The following CEP112 variants were observed in gnomAD, a reference collection of about 807,000 sequenced individuals.
CEP112 encodes the protein centrosomal protein 112.
A neutral mutation model predicts 153.0 loss-of-function variants in CEP112; 127 were observed. That is an observed-to-expected ratio of 0.83 (90% confidence interval 0.72 to 0.96). The LOEUF is 0.96. Ranked by LOEUF, CEP112 falls within the 40% of genes least tolerant of loss-of-function variation. The probability of loss-of-function intolerance (pLI) is 0.00; values close to 1 mark genes in which losing one functional copy is unlikely to be tolerated. For synonymous variants in CEP112, 358 were observed against 374.4 expected, an observed-to-expected ratio of 0.96 and a Z score of 0.51; for missense variants, 1,089 against 1,101.2, an observed-to-expected ratio of 0.99 and a Z score of 0.16.
intron 4 of CEP112, among the ~76,000 whole-genome samples, chr17:66,153,068 CAT>C (rs2071275085): frequency 6.6e-6 from 1 of 152,098 alleles, no homozygotes; most frequent in African/African-American, 2.4e-5. Flanking sequence ...CGAGAATACT[CAT>C]GTGAAGAGAC....
At chr17:66,015,099 C>T (rs1315817905) in intron 16 of CEP112, among the ~76,000 whole-genome samples, 1 of 152,130 alleles carries the variant, frequency 6.6e-6, no homozygotes, top group African/African-American at 2.4e-5. Context: ...TTATTTTTAA[C>T]CTACATCCCT....
rs1485031521 is a variant in CEP112 at position 66,191,846 on chromosome 17, C to G, written c.-9+151G>C. 2.0e-5 allele frequency: 3 copies of G among 152,320 alleles called. No homozygotes were observed. The highest frequency in any genetic ancestry group is 3.9e-4 in the East Asian group (2 of 5,140). 9.4% of individuals were successfully genotyped at this position (152,320 alleles called of 1,614,324 possible). A position where few individuals can be genotyped will look rare whatever the true frequency, so the allele number is the denominator to read the frequency against. On this transcript the variant is annotated intron_variant, in intron 1 of 26. Coordinates refer to ENST00000535342, the MANE Select transcript of CEP112 (RefSeq NM_001199165.4). The surrounding 1 kb of genome is among the most constrained non-coding windows in gnomAD (Gnocchi z 4.2). ...GCGCCGGGACCCCAGGGGCGCGCGC[C>G]CCCCAGGCCCGGAGAACGGGCCCAG...
chr17:65,939,344 C>T (rs2061441349), intron 18 of CEP112, among the ~76,000 whole-genome samples: 1 of 152,080 alleles, frequency 6.6e-6, no homozygotes, highest in Non-Finnish European at 1.5e-5. Flanking sequence ...CAATTCCTAT[C>T]AAAATGCCAA....
chr17:65,902,745 A>G (rs867947292), intron 19 of CEP112, among the ~76,000 whole-genome samples: 1 of 152,290 alleles, frequency 6.6e-6, no homozygotes, highest in South Asian at 2.1e-4. Flanking sequence ...TTTACAAATA[A>G]AAGATCGGAG....
At chr17:65,856,017 C>A (rs1396205434) in intron 20 of CEP112, among the ~76,000 whole-genome samples, 2 of 151,954 alleles carry the variant, frequency 1.3e-5, no homozygotes, top group Non-Finnish European at 2.9e-5. Context: ...GTGGTCATAC[C>A]CTGTACTCCG....
At chr17:65,963,752 G>A (rs533521562) in intron 17 of CEP112, among the ~76,000 whole-genome samples, 29 of 151,814 alleles carry the variant, frequency 1.9e-4, no homozygotes, top group African/African-American at 4.4e-4. Context: ...TTTGGGATCC[G>A]CAAACAGGCA....
chr17:66,151,117 G>A (rs1315771108), intron 4 of CEP112, among the ~76,000 whole-genome samples: 1 of 129,624 alleles, frequency 7.7e-6, no homozygotes, highest in East Asian at 1.9e-4. Context: ...TATAAAGTTG[G>A]CTCTTGCTTT....
At chr17:66,163,588 A>C (rs1201864781) in intron 4 of CEP112, among the ~76,000 whole-genome samples, 1 of 152,126 alleles carries the variant, frequency 6.6e-6, no homozygotes, top group Non-Finnish European at 1.5e-5. Context: ...ATGAAAAAAA[A>C]TGAGATGCTT....
intron 11 of CEP112, among the ~76,000 whole-genome samples, chr17:66,058,060 T>C (rs2066768662): frequency 1.3e-5 from 2 of 150,782 alleles, no homozygotes; most frequent in Non-Finnish European, 2.9e-5. Context: ...ACCACTGCTC[T>C]CCAGCCTAGG....
intron 18 of CEP112, among the ~76,000 whole-genome samples, chr17:65,952,763 T>C (rs903662661): frequency 3.9e-5 from 6 of 152,190 alleles, no homozygotes; most frequent in South Asian, 2.1e-4. Context: ...CACAACTTTG[T>C]CAGCACTTGG....
At chr17:65,681,286 T>C (rs1258790491) in intron 24 of CEP112, among the ~76,000 whole-genome samples, 1 of 152,098 alleles carries the variant, frequency 6.6e-6, no homozygotes, top group East Asian at 1.9e-4. Context: ...TGCCCATTCC[T>C]TTTCAATCCT....
chr17:65,926,215 G>A (rs778282086), intron 19 of CEP112, among the ~76,000 whole-genome samples: 1 of 152,074 alleles, frequency 6.6e-6, no homozygotes, highest in African/African-American at 2.4e-5. Flanking sequence ...AACACTTCCA[G>A]CTTGCTCTCT....
At chr17:65,735,036 C>T (rs1289020514) in intron 23 of CEP112, among the ~76,000 whole-genome samples, 1 of 152,146 alleles carries the variant, frequency 6.6e-6, no homozygotes, top group East Asian at 1.9e-4. Context: ...ACTTCATTCT[C>T]TTCCTTCCCC....
chr17:66,182,721 T>C (rs1038722163), intron 2 of CEP112, among the ~76,000 whole-genome samples: 2 of 152,212 alleles, frequency 1.3e-5, no homozygotes, highest in Admixed American at 1.3e-4. Context: ...GGAGACAAGA[T>C]AGCAACAAAA....
At chr17:65,638,779 C>G (rs141605313) in intron 25 of CEP112, among the ~76,000 whole-genome samples, 4 of 152,114 alleles carry the variant, frequency 2.6e-5, no homozygotes, top group African/African-American at 4.8e-5. Context: ...GAGGCCCTAT[C>G]GCAGCTGGCA....
At chr17:66,035,790 T>C (rs994207713) in intron 12 of CEP112, among the ~76,000 whole-genome samples, 1 of 152,092 alleles carries the variant, frequency 6.6e-6, no homozygotes, top group African/African-American at 2.4e-5. Context: ...GAACTTTTGC[T>C]CCAAGAACCA....
chr17:65,641,478 T>G (rs1245620269), intron 24 of CEP112, among the ~76,000 whole-genome samples: 11 of 152,198 alleles, frequency 7.2e-5, no homozygotes, highest in Admixed American at 7.2e-4. Flanking sequence ...ATGAAAATAC[T>G]CCTTGAGGGG....
chr17:65,862,785 T>C (rs2058352020), intron 20 of CEP112, among the ~76,000 whole-genome samples: 1 of 152,152 alleles, frequency 6.6e-6, no homozygotes, highest in African/African-American at 2.4e-5. Flanking sequence ...AAAGATAATT[T>C]CTTAAATTTT....
intron 21 of CEP112, among the ~76,000 whole-genome samples, chr17:65,757,251 C>T (rs1303837520): frequency 6.6e-6 from 1 of 152,140 alleles, no homozygotes; most frequent in African/African-American, 2.4e-5. Context: ...CCCAAGCCAG[C>T]TACTACAGGG....
Sources: allele counts gnomAD v4.1 joint callset (sites outside exome capture counted in the v4.1 genomes callset), GRCh38; gene constraint gnomAD v4.1.1; non-coding constraint Gnocchi (gnomAD v3.1); transcripts MANE v1.5; gene names NCBI Gene and HGNC (gene_info 2026-07-23, HGNC 2026-07-21).